Variants in PTPRD observed in about 807,000 individuals in gnomAD.
The protein encoded by PTPRD is protein tyrosine phosphatase receptor type D, also known as receptor-type tyrosine-protein phosphatase delta.
Under a neutral mutation model 214.5 loss-of-function variants are expected in PTPRD, and 34 were observed. The observed-to-expected ratio is 0.16, with a 90% CI of 0.12 to 0.21. PTPRD has a LOEUF of 0.21. Among genes scored for constraint, PTPRD ranks in the 10% least tolerant of loss-of-function variants. The pLI is 1.00. For synonymous variants in PTPRD, 1,128 were observed against 845.7 expected (o/e 1.33, Z -5.79); for missense variants, 2,545 against 2,398.7 (o/e 1.06, Z -1.27).
At position 8,485,298 on chromosome 9, in the gene PTPRD, C is replaced by T. The variant is rs1226929293; in HGVS notation, c.3082G>A (p.Ala1028Thr). Reference protein sequence around the residue: ...QVFAKNFHVKAVMKTSVLLSW... With the variant: ...QVFAKNFHVKTVMKTSVLLSW... ...AGCAACACGGAAGTCTTCATTACTGCTTTGACATGAAAATTTTTTGCAAAC... is the reference window on the plus strand; with the variant it reads ...AGCAACACGGAAGTCTTCATTACTGTTTTGACATGAAAATTTTTTGCAAAC... Residue 1028 changes from alanine (A) to threonine (T), a missense_variant, in exon 29 of 46, where the codon GCA becomes ACA. Coordinates refer to ENST00000381196, the MANE Select transcript of PTPRD (RefSeq NM_002839.4). 1.2e-6 allele frequency: 2 copies of T among 1,614,086 alleles called. No homozygotes were observed. The highest frequency in any genetic ancestry group is 2.2e-5 in the South Asian group (2 of 91,062).
intron 14 of PTPRD, among the ~76,000 whole-genome samples, chr9:8,604,326 C>G (rs1056811346): frequency 6.6e-6 from 1 of 152,200 alleles, no homozygotes; most frequent in South Asian, 2.1e-4. Context: ...TGAGCTAGAT[C>G]TTTTTCAGAG....
At chr9:10,489,849 T>A (rs539368940) in intron 2 of PTPRD, among the ~76,000 whole-genome samples, 1 of 152,098 alleles carries the variant, frequency 6.6e-6, no homozygotes, top group African/African-American at 2.4e-5. Flanking sequence ...AAACACTCCA[T>A]GCATAAAGCT....
chr9:8,633,957 T>C (rs929944938), intron 13 of PTPRD, among the ~76,000 whole-genome samples: 2 of 151,954 alleles, frequency 1.3e-5, no homozygotes, highest in Admixed American at 6.6e-5. Flanking sequence ...CGAAAAGAAA[T>C]TGCATAAATC....
intron 7 of PTPRD, among the ~76,000 whole-genome samples, chr9:9,659,465 C>T (rs115170788): frequency 8.6e-5 from 13 of 151,966 alleles, no homozygotes; most frequent in African/African-American, 1.9e-4. Flanking sequence ...GAAACCTTAA[C>T]GCCAGGGCTA....
intron 11 of PTPRD, among the ~76,000 whole-genome samples, chr9:8,748,540 AG>A (rs1410748039): frequency 0.091 from 10,388 of 114,358 alleles, 886 homozygotes; most frequent in African/African-American, 0.25. Flanking sequence ...AAAAAAAAAA[AG>A]AAAAAGAAAA....
In PTPRD at chr9:9,955,537, T is replaced by TTG. The variant is rs1471792074; in HGVS notation, c.-471-16928_-471-16927insCA. Among the ~76,000 whole-genome samples, 5 of 139,098 alleles carry TTG rather than the reference T, an allele frequency of 3.6e-5. No homozygotes were observed. In the South Asian group the frequency reaches 1.1e-3, roughly 32 times the overall value. The allele number at this position is 139,098 out of a possible 152,430, so 91.3% of individuals were successfully genotyped here. On this transcript the variant is annotated intron_variant, in intron 4 of 45. Coordinates refer to ENST00000381196, the MANE Select transcript of PTPRD (RefSeq NM_002839.4). Reference sequence around the variant, plus strand: ...TTTTGTTTTGTTTTGTTTTTTTTTTTTTTTGAGACAGAGTCTCGCTCTGTC... The same window carrying TTG: ...TTTTGTTTTGTTTTGTTTTTTTTTTTTGTTTTGAGACAGAGTCTCGCTCTGTC...
chr9:10,068,927 G>T (rs183087191), intron 3 of PTPRD, among the ~76,000 whole-genome samples: 1 of 151,934 alleles, frequency 6.6e-6, no homozygotes, highest in Non-Finnish European at 1.5e-5. Context: ...CTGTGCATTC[G>T]TAGACTGCCT....
At chr9:9,593,111 A>T (rs644724) in intron 7 of PTPRD, among the ~76,000 whole-genome samples, 53,728 of 147,950 alleles carry the variant, frequency 0.36, 9,840 homozygotes, top group Non-Finnish European at 0.39. Flanking sequence ...AGAGAGAGAA[A>T]GGAAGGAAGG....
chr9:8,523,013 G>A (rs917014320), intron 19 of PTPRD, among the ~76,000 whole-genome samples: 1 of 152,140 alleles, frequency 6.6e-6, no homozygotes, highest in African/African-American at 2.4e-5. Flanking sequence ...AGGAGAAGAA[G>A]AGAAAGCTAA....
intron 3 of PTPRD, among the ~76,000 whole-genome samples, chr9:10,156,899 T>C (rs1324572326): frequency 6.6e-6 from 1 of 152,194 alleles, no homozygotes; most frequent in East Asian, 1.9e-4. Flanking sequence ...CCCTTCTTTG[T>C]CTTTTTTCTT....
intron 4 of PTPRD, among the ~76,000 whole-genome samples, chr9:10,019,657 C>A (rs902625832): frequency 2.6e-5 from 4 of 152,062 alleles, no homozygotes; most frequent in Non-Finnish European, 5.9e-5. Context: ...AACCGTCATT[C>A]TCAGCAAACT....
chr9:9,792,252 A>T (rs756364641), intron 5 of PTPRD, among the ~76,000 whole-genome samples: 4 of 151,996 alleles, frequency 2.6e-5, no homozygotes, highest in Non-Finnish European at 5.9e-5. Flanking sequence ...ACTGCATGTT[A>T]TTTAATGCTG....
chr9:8,386,718 C>A (rs1254769410), intron 37 of PTPRD, among the ~76,000 whole-genome samples: 1 of 152,166 alleles, frequency 6.6e-6, no homozygotes, highest in Non-Finnish European at 1.5e-5. Flanking sequence ...AACAACTCAC[C>A]CCTAGTTATA....
chr9:9,962,833 C>A (rs2094452823), intron 4 of PTPRD, among the ~76,000 whole-genome samples: 1 of 151,786 alleles, frequency 6.6e-6, no homozygotes, highest in African/African-American at 2.4e-5. Context: ...AAGACTGTTC[C>A]CAAAAGAAAA....
chr9:9,898,033 T>G (rs2075463352), intron 5 of PTPRD, among the ~76,000 whole-genome samples: 1 of 152,144 alleles, frequency 6.6e-6, no homozygotes, highest in Admixed American at 6.6e-5. Flanking sequence ...AAGCTGTAGT[T>G]TGCTTAATTC....
intron 11 of PTPRD, among the ~76,000 whole-genome samples, chr9:9,017,644 C>T (rs1457376189): frequency 6.6e-6 from 1 of 152,124 alleles, no homozygotes; most frequent in Middle Eastern, 3.4e-3. Context: ...AATCAAGAAA[C>T]ATTTTCTTCA....
intron 3 of PTPRD, among the ~76,000 whole-genome samples, chr9:10,084,647 C>T (rs1167870762): frequency 6.7e-6 from 1 of 148,682 alleles, no homozygotes; most frequent in Admixed American, 6.6e-5. Context: ...CAAACACTTT[C>T]TGTAAAAGTT....
chr9:8,351,978 C>T (rs1028945378), intron 39 of PTPRD, among the ~76,000 whole-genome samples: 1 of 151,822 alleles, frequency 6.6e-6, no homozygotes, highest in Non-Finnish European at 1.5e-5. Context: ...CAGGTTATAT[C>T]CCTTTGGGTG....
intron 4 of PTPRD, among the ~76,000 whole-genome samples, chr9:9,986,092 A>G (rs2095700987): frequency 6.6e-6 from 1 of 152,176 alleles, no homozygotes; most frequent in Admixed American, 6.5e-5. Context: ...TTCATTAAGC[A>G]AAATTTACAA....
Sources: gnomAD v4.1 joint callset for allele counts (sites outside exome capture counted in the v4.1 genomes callset) on GRCh38, gnomAD v4.1.1 for gene constraint, MANE v1.5 for transcripts, NCBI Gene and HGNC (gene_info 2026-07-23, HGNC 2026-07-21) for gene names.